The following EXOC6B variants were observed in gnomAD, a reference collection of about 807,000 sequenced individuals.
The protein encoded by EXOC6B is SEC15 homolog B.
In EXOC6B, 54 loss-of-function variants were observed where a neutral mutation model predicts 113.5. The observed-to-expected ratio is 0.48, with a 90% confidence interval of 0.38 to 0.60. The LOEUF is 0.60. EXOC6B is among the 20% of genes least tolerant of loss of function. EXOC6B has a pLI of 0.00. For synonymous variants in EXOC6B, 357 were observed against 339.0 expected (o/e 1.05, Z -0.58); for missense variants, 797 against 977.5 (o/e 0.82, Z 2.46).
intron 6 of EXOC6B, among the ~76,000 whole-genome samples, chr2:72,646,519 T>A (rs549324556): frequency 1.3e-5 from 2 of 152,192 alleles, no homozygotes; most frequent in African/African-American, 4.8e-5. Flanking sequence ...TTTAGACCAA[T>A]ATCCCTGATG....
intron 18 of EXOC6B, among the ~76,000 whole-genome samples, chr2:72,406,786 T>C (rs1693802326): frequency 6.6e-6 from 1 of 151,820 alleles, no homozygotes; most frequent in South Asian, 2.1e-4. Context: ...ACATCACAAT[T>C]AAAAGAACTA....
intron 7 of EXOC6B, among the ~76,000 whole-genome samples, chr2:72,565,958 C>A (rs1368325077): frequency 4.6e-5 from 7 of 151,914 alleles, no homozygotes; most frequent in Non-Finnish European, 1.0e-4. Context: ...TGGGAAACTA[C>A]CCTGAGGATA....
At chr2:72,671,790 A>AGAAAGAAG (rs1553464067) in intron 6 of EXOC6B, among the ~76,000 whole-genome samples, 22 of 107,508 alleles carry the variant, frequency 2.0e-4, no homozygotes, top group African/African-American at 1.1e-3. Flanking sequence ...AAAGAAAGAA[A>AGAAAGAAG]GAAAGAAAGA....
In EXOC6B at chr2:72,405,559, C is replaced by A. The variant is rs538196921; in HGVS notation, c.1981-25689G>T. ...TGGGGGCCAATATTCAACATTCTTA[C>A]AGAAAAGAATTTTCAACCAAGAATT... On this transcript the variant is annotated intron_variant, in intron 18 of 21. Transcript: ENST00000272427. Among the ~76,000 whole-genome samples, 9 of 152,224 alleles carry A rather than the reference C, an allele frequency of 5.9e-5. No homozygotes were observed. The South Asian group carries it at 6.2e-4, about 11-fold the overall frequency.
chr2:72,322,569 AC>A (rs1392282249), intron 20 of EXOC6B, among the ~76,000 whole-genome samples: 1 of 152,180 alleles, frequency 6.6e-6, no homozygotes, highest in African/African-American at 2.4e-5. Flanking sequence ...CCTGAATAAA[AC>A]TGATTTAAGA....
At chr2:72,259,106 T>C (rs1683543062) in intron 20 of EXOC6B, among the ~76,000 whole-genome samples, 1 of 152,204 alleles carries the variant, frequency 6.6e-6, no homozygotes, top group Non-Finnish European at 1.5e-5. Flanking sequence ...TTTAGGTGTG[T>C]TCTGAGAAAT....
At chr2:72,675,068 C>T (rs903078927) in intron 6 of EXOC6B, among the ~76,000 whole-genome samples, 2 of 152,196 alleles carry the variant, frequency 1.3e-5, no homozygotes, top group African/African-American at 4.8e-5. Flanking sequence ...TTACATACCA[C>T]TCAAAACAAG....
intron 18 of EXOC6B, among the ~76,000 whole-genome samples, chr2:72,407,603 A>G (rs1299017779): frequency 6.6e-6 from 1 of 152,226 alleles, no homozygotes; most frequent in Admixed American, 6.5e-5. Context: ...AACAGAACCA[A>G]TGACAAAAAC....
chr2:72,281,700 A>T (rs1266963694), intron 20 of EXOC6B, among the ~76,000 whole-genome samples: 2 of 152,170 alleles, frequency 1.3e-5, no homozygotes, highest in Non-Finnish European at 2.9e-5. Context: ...AATAACTGCA[A>T]ATTTTCTAAA....
At chr2:72,637,471 G>C (rs1672926708) in intron 6 of EXOC6B, among the ~76,000 whole-genome samples, 1 of 152,062 alleles carries the variant, frequency 6.6e-6, no homozygotes, top group Non-Finnish European at 1.5e-5. Context: ...GTGGGCAAAG[G>C]ACATGAACAG....
At chr2:72,456,068 A>G (rs1391740327) in intron 18 of EXOC6B, among the ~76,000 whole-genome samples, 1 of 152,152 alleles carries the variant, frequency 6.6e-6, no homozygotes, top group Non-Finnish European at 1.5e-5. Context: ...GAAAATAGTG[A>G]CTGTCCGTAT....
intron 20 of EXOC6B, among the ~76,000 whole-genome samples, chr2:72,230,683 G>A (rs1288194233): frequency 1.3e-5 from 2 of 152,176 alleles, no homozygotes; most frequent in Non-Finnish European, 1.5e-5. Flanking sequence ...TGGTAAATAA[G>A]ATTTACATAT....
At chr2:72,599,493 C>T (rs1489139106) in intron 6 of EXOC6B, among the ~76,000 whole-genome samples, 3 of 152,058 alleles carry the variant, frequency 2.0e-5, no homozygotes, top group South Asian at 2.1e-4. Context: ...AGGAACAATA[C>T]AAGGATGTCA....
intron 20 of EXOC6B, among the ~76,000 whole-genome samples, chr2:72,289,820 G>A (rs544512838): frequency 2.7e-4 from 41 of 152,100 alleles, no homozygotes; most frequent in Admixed American, 7.9e-4. Flanking sequence ...CCAGAAGATC[G>A]AGGCTGCAGT....
intron 20 of EXOC6B, among the ~76,000 whole-genome samples, chr2:72,240,800 T>C (rs933313762): frequency 1.3e-5 from 2 of 152,194 alleles, no homozygotes; most frequent in Non-Finnish European, 2.9e-5. Context: ...TTCTAGCATA[T>C]AAGAGGCTTA....
intron 20 of EXOC6B, among the ~76,000 whole-genome samples, chr2:72,302,756 C>T (rs1216779403): frequency 2.0e-5 from 3 of 152,010 alleles, no homozygotes; most frequent in East Asian, 1.9e-4. Flanking sequence ...GACAGCATAC[C>T]ACTGAGTCTT....
intron 16 of EXOC6B, 111 bp from the exon 17 acceptor site, chr2:72,480,861 A>G: frequency 1.8e-6 from 2 of 1,119,184 alleles, no homozygotes; most frequent in Non-Finnish European, 2.5e-6. Flanking sequence ...GGAAAAGGCC[A>G]TCCACATTCG....
At chr2:72,444,053 C>T (rs1362693470) in intron 18 of EXOC6B, among the ~76,000 whole-genome samples, 1 of 152,172 alleles carries the variant, frequency 6.6e-6, no homozygotes, top group African/African-American at 2.4e-5. Flanking sequence ...ACCTATGATC[C>T]TGTAAAATCA....
At position 72,401,636 on chromosome 2, in the gene EXOC6B, T is replaced by TAC. The variant is rs1218879643; in HGVS notation, c.1981-21768_1981-21767dup. Among the ~76,000 whole-genome samples the TAC allele has an allele frequency of 7.4e-4, 35 of 47,032 alleles. 2 individuals are homozygous for TAC. The highest frequency in any genetic ancestry group is 3.6e-3 in the Admixed American group (12 of 3,364). The allele number at this position is 47,032 out of a possible 152,430, so 30.9% of individuals were successfully genotyped here. On this transcript the variant is annotated intron_variant, in intron 18 of 21. Coordinates refer to ENST00000272427, the MANE Select transcript of EXOC6B (RefSeq NM_015189.3). ...ATATATATATACATATATATATATA[T>TAC]ACATATATACATATATATATATATA... is the stretch of plus-strand genomic sequence containing the variant.
Sources: gnomAD v4.1 joint callset for allele counts (sites outside exome capture counted in the v4.1 genomes callset) on GRCh38, gnomAD v4.1.1 for gene constraint, MANE v1.5 for transcripts, NCBI Gene and HGNC (gene_info 2026-07-23, HGNC 2026-07-21) for gene names.